Variants in TMPRSS15 observed in about 807,000 individuals in gnomAD.
TMPRSS15 encodes enteropeptidase.
A neutral mutation model predicts 125.3 loss-of-function variants in TMPRSS15; 128 were observed. That is an observed-to-expected ratio of 1.02 (90% CI 0.89 to 1.18). The LOEUF is 1.18. Among genes scored for constraint, TMPRSS15 ranks in the 50% most tolerant of loss-of-function variants. The pLI is 0.00. For synonymous variants in TMPRSS15, 446 were observed against 423.2 expected (o/e 1.05, Z -0.66); for missense variants, 1,283 against 1,212.7 (o/e 1.06, Z -0.86).
chr21:18,379,373 G>A (rs1006039411), intron 4 of TMPRSS15, 55 bp from the exon 5 acceptor site: 2 of 805,042 alleles, frequency 2.5e-6, no homozygotes, highest in African/African-American at 3.6e-5. Context: ...TAATTACCAG[G>A]AATTTATTGT....
intron 18 of TMPRSS15, among the ~76,000 whole-genome samples, 195 bp downstream of exon 18, chr21:18,312,750 T>G (rs2075114239): frequency 1.3e-5 from 2 of 152,172 alleles, no homozygotes; most frequent in Admixed American, 1.3e-4. Context: ...CTTTATACAG[T>G]ATTCATACAA....
Position 18,284,638 on chromosome 21 carries a change from T to A in TMPRSS15, c.2487-3417A>T, listed in dbSNP as rs367774297. Among the ~76,000 whole-genome samples, 37 of 152,300 alleles carry A rather than the reference T, an allele frequency of 2.4e-4. No individual in the cohort carries two copies. In the East Asian group the frequency reaches 2.9e-3, roughly 12 times the overall value. ...GTAAAGGAAGGAAGAGCTATAGCGC[T>A]GAAGATAGATGGGCATAGGAGAAGG... is the stretch of plus-strand genomic sequence containing the variant. On this transcript the variant is annotated intron_variant, in intron 21 of 24. Transcript: ENST00000284885.
intron 18 of TMPRSS15, among the ~76,000 whole-genome samples, chr21:18,302,624 A>T (rs2074985350): frequency 6.6e-6 from 1 of 152,224 alleles, no homozygotes; most frequent in South Asian, 2.1e-4. Context: ...AATTATCTTA[A>T]CCTAATCAAT....
intron 1 of TMPRSS15, among the ~76,000 whole-genome samples, chr21:18,474,785 T>C (rs1978847173): frequency 6.6e-6 from 1 of 152,200 alleles, no homozygotes; most frequent in Non-Finnish European, 1.5e-5. Flanking sequence ...ATTTACTTCA[T>C]AGAAAAGGCG....
chr21:18,479,080 C>T (rs1978931997), intron 1 of TMPRSS15, among the ~76,000 whole-genome samples: 1 of 151,904 alleles, frequency 6.6e-6, no homozygotes, highest in East Asian at 1.9e-4. Flanking sequence ...AGTGAGCATT[C>T]ATTTGATGGT....
chr21:18,364,064 C>T lies in TMPRSS15; in HGVS notation c.773+1076G>A, dbSNP rs865829404. Among the ~76,000 whole-genome samples the T allele has an allele frequency of 2.6e-5, 4 of 152,156 alleles. 1 individual carries two copies. In the South Asian group the frequency reaches 8.3e-4, roughly 32 times the overall value. ...CATCTCCTCTCTGGGATATGTCTAC[C>T]TGGGTGATTAGTTATTGGGCCATTT... On this transcript the variant is annotated intron_variant, in intron 7 of 24. Coordinates refer to ENST00000284885, the MANE Select transcript of TMPRSS15 (RefSeq NM_002772.3).
chr21:18,285,994 T>A (rs1031571892), intron 21 of TMPRSS15, among the ~76,000 whole-genome samples: 1 of 152,356 alleles, frequency 6.6e-6, no homozygotes, highest in Admixed American at 6.5e-5. Flanking sequence ...ATATGCTTAT[T>A]TGTGTAAGTG....
chr21:18,289,465 T>C (rs1383231300), intron 21 of TMPRSS15, among the ~76,000 whole-genome samples: 1 of 152,190 alleles, frequency 6.6e-6, no homozygotes, highest in East Asian at 1.9e-4. Context: ...TGAGCCAAGA[T>C]CGTGCCATTG....
intron 1 of TMPRSS15, among the ~76,000 whole-genome samples, chr21:18,464,812 G>T (rs1306431980): frequency 6.6e-6 from 1 of 152,110 alleles, no homozygotes; most frequent in Admixed American, 6.6e-5. Context: ...TGGATTCACA[G>T]CCAATTTCTA....
chr21:18,390,333 T>C (rs1438651064), intron 3 of TMPRSS15, among the ~76,000 whole-genome samples: 2 of 152,212 alleles, frequency 1.3e-5, no homozygotes, highest in African/African-American at 4.8e-5. Flanking sequence ...AGGATGAAGA[T>C]TAAATGAAAA....
At chr21:18,339,449 T>C (rs986253311) in intron 13 of TMPRSS15, among the ~76,000 whole-genome samples, 2 of 152,320 alleles carry the variant, frequency 1.3e-5, no homozygotes, top group Non-Finnish European at 2.9e-5. Context: ...CCTTGAAGAT[T>C]GGAAGCAGAA....
chr21:18,331,560 T>C (rs1358311532), intron 14 of TMPRSS15, among the ~76,000 whole-genome samples: 2 of 152,240 alleles, frequency 1.3e-5, no homozygotes, highest in Admixed American at 1.3e-4. Context: ...TATAATTTTA[T>C]TTTTTATACT....
chr21:18,383,348 TCAGAA>T (rs2075911176), intron 4 of TMPRSS15, among the ~76,000 whole-genome samples: 2 of 148,930 alleles, frequency 1.3e-5, no homozygotes, highest in Non-Finnish European at 3.0e-5. Context: ...GCCAACACTC[TCAGAA>T]TCTCCTTGGA....
At position 18,292,611 on chromosome 21, in the gene TMPRSS15, A is replaced by G. The variant is rs1214352388; in HGVS notation, c.2486+1659T>C. 3.9e-5 allele frequency among the ~76,000 whole-genome samples: 6 copies of G among 152,344 alleles called. No homozygotes were observed. In the South Asian group the frequency reaches 6.2e-4, roughly 16 times the overall value. On this transcript the variant is annotated intron_variant, in intron 21 of 24. Coordinates refer to ENST00000284885, the MANE Select transcript of TMPRSS15 (RefSeq NM_002772.3). ...AGCCTGATTGATGTTTAGACAGCATATGTTTGGCAAGAACATTAAACAGGA... is the reference window on the plus strand; with the variant it reads ...AGCCTGATTGATGTTTAGACAGCATGTGTTTGGCAAGAACATTAAACAGGA...
intron 5 of TMPRSS15, among the ~76,000 whole-genome samples, chr21:18,376,401 A>G (rs1349301686): frequency 6.6e-6 from 1 of 152,184 alleles, no homozygotes; most frequent in East Asian, 1.9e-4. Context: ...TACCTTTGGT[A>G]TCAGGTAAAA....
At position 18,424,711 on chromosome 21, in the gene TMPRSS15, A is replaced by G. The variant is rs2123198418; in HGVS notation, c.11-26382T>C. ...AAATGAATGCATTATTCTTTGTAAA[A>G]AAGTTATGAGCCATAAAGTAATGGT... On this transcript the variant is annotated intron_variant, in intron 1 of 7. Transcript: ENST00000422787. 2.0e-5 allele frequency among the ~76,000 whole-genome samples: 3 copies of G among 152,242 alleles called. No homozygotes were observed. In the South Asian group the frequency reaches 6.2e-4, roughly 32 times the overall value.
chr21:18,280,978 G>A lies in TMPRSS15; in HGVS notation c.2668+62C>T, dbSNP rs968108297. The A allele has an allele frequency of 6.4e-5, 98 of 1,530,614 alleles. 1 individual carries two copies. In the East Asian group the frequency reaches 1.3e-3, roughly 21 times the overall value. The allele number at this position is 1,530,614 out of a possible 1,614,324, so 94.8% of individuals were successfully genotyped here. On this transcript the variant is annotated intron_variant, in intron 22 of 24. Transcript: ENST00000284885. ...TAATGCATTGACATTGATAATATTTGAAATCTAGTTTTGAATTAATTTTGG... is the reference window on the plus strand; with the variant it reads ...TAATGCATTGACATTGATAATATTTAAAATCTAGTTTTGAATTAATTTTGG...
At chr21:18,305,215 G>T (rs1419169193) in intron 18 of TMPRSS15, among the ~76,000 whole-genome samples, 3 of 119,942 alleles carry the variant, frequency 2.5e-5, no homozygotes, top group Non-Finnish European at 4.9e-5. Context: ...TTGAGACGGA[G>T]TCTCCCTCTG....
At chr21:18,326,743 T>G (rs2075295717) in intron 15 of TMPRSS15, among the ~76,000 whole-genome samples, 171 bp from the exon 16 acceptor site, 1 of 152,196 alleles carries the variant, frequency 6.6e-6, no homozygotes, top group Non-Finnish European at 1.5e-5. Flanking sequence ...TTTGAACACT[T>G]CTCAACAAAG....
Sources: gnomAD v4.1 joint callset for allele counts (sites outside exome capture counted in the v4.1 genomes callset) on GRCh38, gnomAD v4.1.1 for gene constraint, MANE v1.5 for transcripts, NCBI Gene and HGNC (gene_info 2026-07-23, HGNC 2026-07-21) for gene names.